KRT222: variants seen among roughly 807,000 people sequenced by gnomAD.
KRT222 encodes the protein keratin-like protein KRT222.
KRT222 carries 23 observed loss-of-function variants against 35.0 expected under a neutral mutation model. That is an observed-to-expected ratio of 0.66 (90% confidence interval 0.47 to 0.93). The LOEUF (loss-of-function observed/expected upper bound fraction) is 0.93. Ranked by LOEUF, KRT222 falls within the 40% of genes least tolerant of loss-of-function variation. KRT222 has a pLI of 0.00. For missense variants in KRT222, 339 were observed against 346.3 expected (o/e 0.98, Z 0.17); for synonymous variants, 108 against 118.8 (o/e 0.91, Z 0.59).
chr17:40,657,080 C>T (rs1006321618), intron 5 of KRT222: 9 of 212,692 alleles, frequency 4.2e-5, no homozygotes, highest in East Asian at 1.1e-4. Flanking sequence ...AGTGTGGTGG[C>T]GCGCACCTGT....
At chr17:40,661,499 C>G (rs908762998) in intron 2 of KRT222, among the ~76,000 whole-genome samples, 1 of 152,132 alleles carries the variant, frequency 6.6e-6, no homozygotes, top group African/African-American at 2.4e-5. Flanking sequence ...CTCCTGAGCT[C>G]AGGCAATCAG....
At position 40,665,177 on chromosome 17, in the gene KRT222, C is replaced by G; in HGVS notation, c.-78G>C. The G allele has an allele frequency of 1.3e-5, 17 of 1,359,332 alleles. No individual in the cohort carries two copies. In the Middle Eastern group the frequency reaches 2.3e-3, roughly 187 times the overall value. The allele number at this position is 1,359,332 out of a possible 1,614,324, so 84.2% of individuals were successfully genotyped here. ...GCTGCGGCAGTCTGCTCGGTCTGCG[C>G]GGAAGGCAGGGAGCCTCGCAGAGTT... On this transcript the variant is annotated 5_prime_UTR_variant, in exon 1 of 6. Transcript: ENST00000394052.
Position 40,657,386 on chromosome 17 carries a change from C to A in KRT222, c.625G>T (p.Val209Phe). 1.9e-6 allele frequency: 3 copies of A among 1,610,130 alleles called. No homozygotes were observed. The highest frequency in any genetic ancestry group is 2.5e-6 in the Non-Finnish European group (3 of 1,178,412). ...TKQAILNGSI[V>F]KESTEAHGTI... The stretch of plus-strand genomic sequence containing the variant: ...CCATGAGCTTCAGTGCTCTCCTTAA[C>A]GATACTCCCATTTAAGATTGCCTGT... Residue 209 changes from valine (V) to phenylalanine (F), a missense_variant, in exon 5 of 6, where the codon GTT (valine) becomes TTT (phenylalanine). By Grantham distance (50) the Val-to-Phe change is conservative. Coordinates refer to ENST00000394052, the MANE Select transcript of KRT222 (RefSeq NM_152349.3).
At chr17:40,662,304 ATACATT>A (rs2144034686) in intron 1 of KRT222, among the ~76,000 whole-genome samples, 1 of 152,338 alleles carries the variant, frequency 6.6e-6, no homozygotes, top group African/African-American at 2.4e-5. Context: ...ATATGGAAAA[ATACATT>A]TACATGAATG....
In KRT222 at chr17:40,661,929, G is replaced by A. The variant is rs975640037; in HGVS notation, c.212C>T (p.Ser71Phe). 6.2e-7 allele frequency: 1 copy of A among 1,614,194 alleles called. No individual in the cohort carries two copies. The highest frequency in any genetic ancestry group is 1.1e-5 in the South Asian group (1 of 91,086). ...GATCATTCTCACCACAGCATGGAGA[G>A]ATTCAATTTCCACTTGCAGGTGGTG... ...QWHHLQVEIESLHAVERGLEN... is the reference protein window; with the variant it reads ...QWHHLQVEIEFLHAVERGLEN... The change falls in exon 2 of 6, where the codon TCT becomes TTT. Residue 71 changes from serine (S) to phenylalanine (F), a missense_variant. Ser to Phe is a radical substitution (Grantham distance 155). Coordinates refer to ENST00000394052, the MANE Select transcript of KRT222 (RefSeq NM_152349.3).
chr17:40,663,240 A>G (rs189871354), intron 1 of KRT222, among the ~76,000 whole-genome samples: 1 of 152,322 alleles, frequency 6.6e-6, no homozygotes, highest in African/African-American at 2.4e-5. Flanking sequence ...GATGGCCCCT[A>G]AAGAAGTCTA....
intron 1 of KRT222, among the ~76,000 whole-genome samples, chr17:40,662,985 A>G (rs576969703): frequency 5.8e-4 from 88 of 152,338 alleles, no homozygotes; most frequent in African/African-American, 2.1e-3. Context: ...ATGAAAGTTT[A>G]TGAATAAAGT....
Position 40,665,157 on chromosome 17 carries a change from G to GGCAGTCTGCT in KRT222, c.-68_-59dup, listed in dbSNP as rs1198452969. On this transcript the variant is annotated 5_prime_UTR_variant, in exon 1 of 6. Coordinates refer to ENST00000394052, the MANE Select transcript of KRT222 (RefSeq NM_152349.3). Reference sequence around the variant, plus strand: ...CCTTATCGATAGGATGAGTCGCTGCGGCAGTCTGCTCGGTCTGCGCGGAAG... The same window carrying GGCAGTCTGCT: ...CCTTATCGATAGGATGAGTCGCTGCGGCAGTCTGCTGCAGTCTGCTCGGTCTGCGCGGAAG... 18 of 1,524,590 alleles carry GGCAGTCTGCT rather than the reference G, an allele frequency of 1.2e-5. No individual in the cohort carries two copies. The highest frequency in any genetic ancestry group is 1.5e-5 in the Non-Finnish European group (16 of 1,101,924). 94.4% of individuals were successfully genotyped at this position (1,524,590 alleles called of 1,614,324 possible). A position where few individuals can be genotyped will look rare whatever the true frequency, so the allele number is the denominator to read the frequency against.
Position 40,657,719 on chromosome 17 carries a change from C to T in KRT222, c.478G>A (p.Asp160Asn), listed in dbSNP as rs1173172762. The T allele has an allele frequency of 6.2e-7, 1 of 1,612,360 alleles. No homozygotes were observed. ...YYGCIQGGKK[D>N]KKPTTSRVGF... The stretch of plus-strand genomic sequence containing the variant: ...ACTCTACTTGTGGTAGGCTTTTTGT[C>T]TTTTTTCCCACCTTGGATACAACCA... The change falls in exon 4 of 6, where the codon GAC (aspartate) becomes AAC (asparagine). Residue 160 changes from aspartate to asparagine, a missense_variant. Asp to Asn is a conservative substitution (Grantham distance 23). Transcript: ENST00000394052.
In KRT222 at chr17:40,660,088, G is replaced by C. The variant is rs1366911850; in HGVS notation, c.345C>G (p.Ile115Met). 4.3e-6 allele frequency: 7 copies of C among 1,614,080 alleles called. No homozygotes were observed. The highest frequency in any genetic ancestry group is 1.7e-5 in the Admixed American group (1 of 60,014). The change falls in exon 3 of 6, where the codon ATC (isoleucine) becomes ATG (methionine). Residue 115 changes from isoleucine (I) to methionine (M), a missense_variant. Transcript: ENST00000394052. The stretch of plus-strand genomic sequence containing the variant: ...TCTCGTGCTCTTGAAGCTGCTTTTC[G>C]ATGCCGCGCCTTACTTCCTGTAGCT... ...EKELQEVRRG[I>M]EKQLQEHEML...
intron 1 of KRT222, chr17:40,664,801 A>G: frequency 1.2e-6 from 1 of 815,858 alleles, no homozygotes; most frequent in Non-Finnish European, 1.8e-6. Context: ...ATCAATCAAC[A>G]CTTACTTAAT....
Position 40,655,030 on chromosome 17 carries a change from T to C in KRT222, c.*1372A>G, listed in dbSNP as rs984677224. ...AACATACATTTTTCTGGTTGAAATA[T>C]ATATATACATATATATAAATTATAT... On this transcript the variant is annotated 3_prime_UTR_variant, in exon 6 of 6. Coordinates refer to ENST00000394052, the MANE Select transcript of KRT222 (RefSeq NM_152349.3). The C allele has an allele frequency of 6.8e-6, 1 of 146,222 alleles. No individual in the cohort carries two copies. The highest frequency in any genetic ancestry group is 1.5e-5 in the Non-Finnish European group (1 of 66,758). The allele number at this position is 146,222 out of a possible 1,614,324, so 9.1% of individuals were successfully genotyped here. A position where few individuals can be genotyped will look rare whatever the true frequency, so the allele number is the denominator to read the frequency against.
At chr17:40,663,499 TGA>T (rs1466475107) in intron 1 of KRT222, among the ~76,000 whole-genome samples, 1 of 152,106 alleles carries the variant, frequency 6.6e-6, no homozygotes, top group Non-Finnish European at 1.5e-5. Flanking sequence ...CTACGTGAAG[TGA>T]GAGAGAAAGT....
rs140145214 is a variant in KRT222, at chr17:40,660,122, A to G, written c.311T>C (p.Leu104Pro). ...LQDLETVIEG[L>P]EKELQEVRRG... The stretch of plus-strand genomic sequence containing the variant: ...CCTTACTTCCTGTAGCTCTTTTTCT[A>G]GTCCTTCAATCACAGTCTCTAGGTC... Residue 104 changes from leucine (L) to proline (P), a missense_variant, in exon 3 of 6, where the codon CTA becomes CCA. Leu to Pro is a moderately conservative substitution (Grantham distance 98). Transcript: ENST00000394052. 1 of 1,613,962 alleles carries G rather than the reference A, an allele frequency of 6.2e-7. No individual in the cohort carries two copies. Among genetic ancestry groups the G allele is most frequent in the East Asian group, 2.2e-5 (1 of 44,880 alleles).
chr17:40,656,526 A>C lies in KRT222; in HGVS notation c.764T>G (p.Leu255Ter), dbSNP rs1038137042. The change falls in exon 6 of 6, where the codon TTA becomes TGA. Residue 255 changes from leucine (L) to a stop codon, truncating the protein, a stop_gained. Transcript: ENST00000394052. LOFTEE classifies it high-confidence loss of function. ...KSVSLRFDLH[L>*]AATDEGCLET... ...TAAACACCCTTCATCAGTGGCTGCT[A>C]AATGAAGATCAAATCGAAGAGAAAC... The C allele has an allele frequency of 1.2e-6, 2 of 1,613,008 alleles. No individual in the cohort carries two copies. The highest frequency in any genetic ancestry group is 2.7e-5 in the African/African-American group (2 of 74,918).
At position 40,665,141 on chromosome 17, in the gene KRT222, T is replaced by G. The variant is rs753696613; in HGVS notation, c.-42A>C. On this transcript the variant is annotated 5_prime_UTR_variant, in exon 1 of 6. Coordinates refer to ENST00000394052, the MANE Select transcript of KRT222 (RefSeq NM_152349.3). ...ACCTTGGCTAACTGAACCTTATCGA[T>G]AGGATGAGTCGCTGCGGCAGTCTGC... The G allele has an allele frequency of 3.2e-6, 5 of 1,584,518 alleles. No homozygotes were observed. The highest frequency in any genetic ancestry group is 4.3e-6 in the Non-Finnish European group (5 of 1,154,726).
At chr17:40,664,916 C>G (rs777908037) in intron 1 of KRT222, 88 bp downstream of exon 1, 44 of 1,595,688 alleles carry the variant, frequency 2.8e-5, no homozygotes, top group Non-Finnish European at 3.4e-5. Flanking sequence ...AAAGGAAATA[C>G]TGTACCTCAG....
In KRT222 at chr17:40,665,122, G is replaced by A; in HGVS notation, c.-23C>T. 1.2e-6 allele frequency: 2 copies of A among 1,611,502 alleles called. No individual in the cohort carries two copies. The highest frequency in any genetic ancestry group is 1.7e-6 in the Non-Finnish European group (2 of 1,178,394). On this transcript the variant is annotated 5_prime_UTR_variant, in exon 1 of 6. Transcript: ENST00000394052. The stretch of plus-strand genomic sequence containing the variant: ...CATTCTTTTCCCATCCTCCACCTTG[G>A]CTAACTGAACCTTATCGATAGGATG...
At chr17:40,663,413 G>T (rs2037398773) in intron 1 of KRT222, among the ~76,000 whole-genome samples, 1 of 152,160 alleles carries the variant, frequency 6.6e-6, no homozygotes, top group Non-Finnish European at 1.5e-5. Flanking sequence ...TGGGAGCCTT[G>T]GGCCAATATG....
Sources: gnomAD v4.1 joint callset for allele counts (sites outside exome capture counted in the v4.1 genomes callset) on GRCh38, gnomAD v4.1.1 for gene constraint, MANE v1.5 for transcripts, NCBI Gene and HGNC (gene_info 2026-07-23, HGNC 2026-07-21) for gene names.